FAM3C: variants seen among roughly 807,000 people sequenced by gnomAD.
FAM3C encodes FAM3 metabolism regulating signaling molecule C.
In FAM3C, 15 loss-of-function variants were observed where a neutral mutation model predicts 32.5. The observed-to-expected ratio is 0.46, with a 90% CI of 0.31 to 0.71. The LOEUF is 0.71. FAM3C is among the 30% of genes least tolerant of loss of function. The pLI is 0.05. For missense variants in FAM3C, 175 were observed against 274.4 expected, an observed-to-expected ratio of 0.64 and a Z score of 2.56; for synonymous variants, 75 against 86.1, an observed-to-expected ratio of 0.87 and a Z score of 0.72.
At chr7:121,372,060 T>C (rs1346519760) in intron 4 of FAM3C, 50 bp downstream of exon 4, 2 of 1,393,898 alleles carry the variant, frequency 1.4e-6, no homozygotes, top group African/African-American at 2.9e-5. Flanking sequence ...AGCTCTCATA[T>C]GCCTAAGGCA....
intron 7 of FAM3C, 98 bp downstream of exon 7, chr7:121,362,799 G>A (rs1164537211): frequency 9.8e-6 from 7 of 711,850 alleles, no homozygotes; most frequent in Admixed American, 5.1e-5. Context: ...ATGAACTAAC[G>A]CAAATAGCAT....
At chr7:121,371,098 C>T (rs113284570) in intron 5 of FAM3C, among the ~76,000 whole-genome samples, 6 of 152,294 alleles carry the variant, frequency 3.9e-5, no homozygotes, top group African/African-American at 1.2e-4. Context: ...ATAAGTGTTA[C>T]GTTCTTAGTC....
intron 7 of FAM3C, 103 bp downstream of exon 7, chr7:121,362,794 C>G: frequency 1.4e-6 from 1 of 700,752 alleles, no homozygotes; most frequent in East Asian, 2.8e-5. Context: ...ACAAAATGAA[C>G]TAACGCAAAT....
intron 3 of FAM3C, among the ~76,000 whole-genome samples, chr7:121,375,934 C>T (rs1261152364): frequency 6.6e-6 from 1 of 152,174 alleles, no homozygotes; most frequent in East Asian, 1.9e-4. Flanking sequence ...AAAATATGTG[C>T]AACTTGCTTT....
chr7:121,375,374 T>G (rs1473301270), intron 3 of FAM3C, among the ~76,000 whole-genome samples: 6 of 151,682 alleles, frequency 4.0e-5, no homozygotes, highest in African/African-American at 1.5e-4. Flanking sequence ...GGCACAAGAG[T>G]GTGACCCATG....
intron 7 of FAM3C, 41 bp from the exon 8 acceptor site, chr7:121,360,168 G>A (rs780881812): frequency 1.0e-6 from 1 of 993,528 alleles, no homozygotes; most frequent in Non-Finnish European, 1.6e-6. Flanking sequence ...AAAAATGACT[G>A]AATAAGCATC....
rs1280831173 is a variant in FAM3C at position 121,371,442 on chromosome 7, G to A, written c.149-19C>T. On this transcript the variant is annotated intron_variant, in intron 4 of 9. Transcript: ENST00000359943. ...TTTGTAGCTTTGGGGGAGAAAACATGATGTCTTTTTTTAGAAAACAAGTTA... is the reference window on the plus strand; with the variant it reads ...TTTGTAGCTTTGGGGGAGAAAACATAATGTCTTTTTTTAGAAAACAAGTTA... 1 of 1,610,884 alleles carries A rather than the reference G, an allele frequency of 6.2e-7. No individual in the cohort carries two copies. The highest frequency in any genetic ancestry group is 1.6e-4 in the Middle Eastern group (1 of 6,070).
chr7:121,384,257 G>A (rs78962060), intron 1 of FAM3C, among the ~76,000 whole-genome samples: 2,420 of 152,218 alleles, frequency 0.016, 28 homozygotes, highest in Middle Eastern at 0.078. Context: ...AATAGAAAAA[G>A]TCAATGTTAT....
chr7:121,375,712 T>G (rs1340992877), intron 3 of FAM3C, among the ~76,000 whole-genome samples: 1 of 152,174 alleles, frequency 6.6e-6, no homozygotes, highest in Non-Finnish European at 1.5e-5. Context: ...TATACCACAC[T>G]GTAGCTTCAC....
chr7:121,388,099 T>TAAATTTAACA (rs1794499064), intron 1 of FAM3C, among the ~76,000 whole-genome samples: 1 of 152,136 alleles, frequency 6.6e-6, no homozygotes, highest in South Asian at 2.1e-4. Context: ...AGAAATATTG[T>TAAATTTAACA]AAATTTAACA....
chr7:121,369,198 C>T (rs1325978010), intron 5 of FAM3C, among the ~76,000 whole-genome samples: 1 of 151,998 alleles, frequency 6.6e-6, no homozygotes, highest in Non-Finnish European at 1.5e-5. Flanking sequence ...CCAGGCTGGT[C>T]TCAGACTCCT....
At chr7:121,378,810 C>T (rs79379594) in intron 3 of FAM3C, 100 bp downstream of exon 3, 11,536 of 529,052 alleles carry the variant, frequency 0.022, 168 homozygotes, top group Non-Finnish European at 0.029. Context: ...ATAATAATCA[C>T]ATTTCGTTTT....
chr7:121,386,563 C>T (rs1794467665), intron 1 of FAM3C, among the ~76,000 whole-genome samples: 1 of 151,844 alleles, frequency 6.6e-6, no homozygotes, highest in Non-Finnish European at 1.5e-5. Context: ...AACATATACA[C>T]ACACACACAC....
intron 8 of FAM3C, among the ~76,000 whole-genome samples, chr7:121,357,300 G>A (rs937731239): frequency 6.6e-6 from 1 of 152,180 alleles, no homozygotes; most frequent in Non-Finnish European, 1.5e-5. Flanking sequence ...CTTGGAAAGA[G>A]CAGGGACATT....
At chr7:121,394,242 A>G (rs1355629701) in intron 1 of FAM3C, among the ~76,000 whole-genome samples, 1 of 152,068 alleles carries the variant, frequency 6.6e-6, no homozygotes, top group Non-Finnish European at 1.5e-5. Flanking sequence ...GTCTTCTGAT[A>G]CCCCCTCAGG....
chr7:121,368,232 C>A (rs187567503), intron 5 of FAM3C, among the ~76,000 whole-genome samples: 72 of 152,268 alleles, frequency 4.7e-4, no homozygotes, highest in Middle Eastern at 3.4e-3. Flanking sequence ...GACCTATGCA[C>A]TGAAAGATGT....
At chr7:121,383,064 C>T in intron 1 of FAM3C, 54 bp from the exon 2 acceptor site, 1 of 947,742 alleles carries the variant, frequency 1.1e-6, no homozygotes, top group Non-Finnish European at 1.6e-6. Context: ...AAACATTCCT[C>T]CTTAGATTGA....
rs140139530 is a variant in FAM3C, at chr7:121,357,052, C to A, written c.467+2991G>T. Among the ~76,000 whole-genome samples, 3 of 152,208 alleles carry A rather than the reference C, an allele frequency of 2.0e-5. No homozygotes were observed. The East Asian group carries it at 5.8e-4, about 29-fold the overall frequency. On this transcript the variant is annotated intron_variant, in intron 8 of 9. Transcript: ENST00000359943. ...CCGAAAAGGGGCAAAATATAAGGTA[C>A]CATCCTCAAACTTCTTTGACCATTA...
chr7:121,351,368 A>G, intron 8 of FAM3C, 99 bp from the exon 9 acceptor site: 1 of 1,078,064 alleles, frequency 9.3e-7, no homozygotes, highest in Non-Finnish European at 1.3e-6. Flanking sequence ...ACAAAATGAG[A>G]CTTTAAATAA....
Sources: allele counts gnomAD v4.1 joint callset (sites outside exome capture counted in the v4.1 genomes callset), GRCh38; gene constraint gnomAD v4.1.1; transcripts MANE v1.5; gene names NCBI Gene and HGNC (gene_info 2026-07-23, HGNC 2026-07-21).